PSMA8: variants seen among roughly 807,000 people sequenced by gnomAD.
PSMA8 encodes proteasome subunit alpha-type 8.
A neutral mutation model predicts 32.4 loss-of-function variants in PSMA8; 18 were observed. The observed-to-expected ratio is 0.56, with a 90% CI of 0.38 to 0.82. The LOEUF is 0.82. Among genes scored for constraint, PSMA8 ranks in the 40% least tolerant of loss-of-function variants. The pLI is 0.00. For synonymous variants in PSMA8, 104 were observed against 98.1 expected (o/e 1.06, Z -0.36); for missense variants, 298 against 300.7 (o/e 0.99, Z 0.07).
intron 4 of PSMA8, 28 bp from the exon 5 acceptor site, chr18:26,178,802 A>G (rs1330193408): frequency 4.4e-6 from 7 of 1,597,708 alleles, no homozygotes; most frequent in Non-Finnish European, 6.0e-6. Flanking sequence ...CTGCAATGAT[A>G]TTAATAAATT....
At chr18:26,139,774 G>A (rs1229351072) in intron 1 of PSMA8, among the ~76,000 whole-genome samples, 1 of 152,134 alleles carries the variant, frequency 6.6e-6, no homozygotes, top group Non-Finnish European at 1.5e-5. Flanking sequence ...GGTTGTTGTG[G>A]GCTGAGGGAT....
At chr18:26,169,131 GC>G in intron 4 of PSMA8, among the ~76,000 whole-genome samples, 1 of 131,776 alleles carries the variant, frequency 7.6e-6, no homozygotes. Context: ...ACAGGTGTGC[GC>G]CACAATGCCC....
intron 3 of PSMA8, among the ~76,000 whole-genome samples, chr18:26,156,605 A>C (rs992668769): frequency 1.3e-5 from 2 of 151,040 alleles, no homozygotes; most frequent in African/African-American, 4.9e-5. Context: ...GACACTAAAA[A>C]AGTTGTGTTT....
At chr18:26,185,900 C>A (rs1434674453) in intron 6 of PSMA8, among the ~76,000 whole-genome samples, 1 of 150,334 alleles carries the variant, frequency 6.7e-6, no homozygotes, top group Non-Finnish European at 1.5e-5. Flanking sequence ...ATTGCATTCT[C>A]AATTTTGATA....
intron 3 of PSMA8, among the ~76,000 whole-genome samples, chr18:26,154,851 G>A (rs1026127020): frequency 3.9e-5 from 6 of 152,040 alleles, no homozygotes; most frequent in Non-Finnish European, 5.9e-5. Context: ...TCCTGACCTC[G>A]TGATCTACCC....
At position 26,179,148 on chromosome 18, in the gene PSMA8, G is replaced by C. The variant is rs2055288555; in HGVS notation, c.660+18G>C. ...CTTTGAAGGTAAGTCATTAACCAAAGAGGAAAAAGTATCTGTAGTATAAAG... is the reference window on the plus strand; with the variant it reads ...CTTTGAAGGTAAGTCATTAACCAAACAGGAAAAAGTATCTGTAGTATAAAG... On this transcript the variant is annotated intron_variant, in intron 6 of 6. Coordinates refer to ENST00000415576, the MANE Select transcript of PSMA8 (RefSeq NM_001025096.2). 2 of 1,587,370 alleles carry C rather than the reference G, an allele frequency of 1.3e-6. No homozygotes were observed. Among genetic ancestry groups the C allele is most frequent in the African/African-American group, 2.7e-5 (2 of 74,106 alleles).
chr18:26,146,378 A>G (rs893736813), intron 2 of PSMA8, among the ~76,000 whole-genome samples: 2 of 152,222 alleles, frequency 1.3e-5, no homozygotes, highest in African/African-American at 2.4e-5. Context: ...AAATAAAAAA[A>G]TTAAAACCTC....
chr18:26,144,225 T>A (rs1207961097), intron 1 of PSMA8, among the ~76,000 whole-genome samples: 3 of 152,194 alleles, frequency 2.0e-5, no homozygotes, highest in Non-Finnish European at 2.9e-5. Context: ...TTGCTTATAG[T>A]TGCAATTTTC....
intron 4 of PSMA8, among the ~76,000 whole-genome samples, chr18:26,172,485 C>T (rs2055230379): frequency 6.6e-6 from 1 of 152,132 alleles, no homozygotes; most frequent in African/African-American, 2.4e-5. Flanking sequence ...TTTCTGACCC[C>T]TAGACTATAT....
chr18:26,145,352 G>A (rs182914871), intron 2 of PSMA8, among the ~76,000 whole-genome samples: 19 of 151,990 alleles, frequency 1.3e-4, no homozygotes, highest in Admixed American at 8.5e-4. Context: ...TCCTGACCTC[G>A]GGTGATCCAC....
At chr18:26,183,321 G>A (rs914211110) in intron 6 of PSMA8, among the ~76,000 whole-genome samples, 1 of 150,274 alleles carries the variant, frequency 6.7e-6, no homozygotes, top group Non-Finnish European at 1.5e-5. Flanking sequence ...GAACCTGGGA[G>A]GCAGAGGTTG....
intron 4 of PSMA8, among the ~76,000 whole-genome samples, chr18:26,169,522 C>T (rs1339134720): frequency 7.7e-6 from 1 of 130,006 alleles, no homozygotes; most frequent in Non-Finnish European, 1.5e-5. Flanking sequence ...CCATGTGTGG[C>T]CTTATACTTT....
chr18:26,177,127 C>T (rs984003464), intron 4 of PSMA8, among the ~76,000 whole-genome samples: 2 of 152,238 alleles, frequency 1.3e-5, no homozygotes, highest in Non-Finnish European at 1.5e-5. Context: ...CAAAGCTTAG[C>T]TCTTCTGCTT....
intron 2 of PSMA8, among the ~76,000 whole-genome samples, chr18:26,147,119 C>G (rs1460905822): frequency 6.6e-6 from 1 of 150,816 alleles, no homozygotes; most frequent in Non-Finnish European, 1.5e-5. Flanking sequence ...GAGCCAATCA[C>G]CTTATATCAG....
At chr18:26,154,908 C>A (rs1326274776) in intron 3 of PSMA8, among the ~76,000 whole-genome samples, 1 of 152,114 alleles carries the variant, frequency 6.6e-6, no homozygotes, top group Non-Finnish European at 1.5e-5. Flanking sequence ...AGCCACCACA[C>A]CCAGCCTACT....
intron 6 of PSMA8, among the ~76,000 whole-genome samples, chr18:26,184,998 G>A (rs145925406): frequency 6.9e-6 from 1 of 144,818 alleles, no homozygotes; most frequent in African/African-American, 2.6e-5. Flanking sequence ...TGAGGCAGGA[G>A]AATCGCTTGA....
intron 2 of PSMA8, 73 bp from the exon 3 acceptor site, chr18:26,151,785 C>T: frequency 7.1e-7 from 1 of 1,404,726 alleles, no homozygotes; most frequent in Non-Finnish European, 9.6e-7. Context: ...GAATAAAACC[C>T]ATTTGACAAG....
At chr18:26,158,534 A>G (rs536341886) in intron 4 of PSMA8, among the ~76,000 whole-genome samples, 22 of 152,310 alleles carry the variant, frequency 1.4e-4, no homozygotes, top group African/African-American at 5.3e-4. Context: ...TTAATATTGT[A>G]CTATATAGAC....
At position 26,133,912 on chromosome 18, in the gene PSMA8, T is replaced by C; in HGVS notation, c.-54T>C. On this transcript the variant is annotated 5_prime_UTR_variant, in exon 1 of 7. Coordinates refer to ENST00000415576, the MANE Select transcript of PSMA8 (RefSeq NM_001025096.2). ...GCTGTGTTGGCGGCGGCTCCCCGCTTGCCTCAGCTGCAGCAGCGGGAAGCT... is the reference window on the plus strand; with the variant it reads ...GCTGTGTTGGCGGCGGCTCCCCGCTCGCCTCAGCTGCAGCAGCGGGAAGCT... The C allele has an allele frequency of 6.8e-7, 1 of 1,480,968 alleles. No individual in the cohort carries two copies. Among genetic ancestry groups the C allele is most frequent in the Admixed American group, 1.7e-5 (1 of 59,162 alleles). The allele number at this position is 1,480,968 out of a possible 1,614,324, so 91.7% of individuals were successfully genotyped here.
Sources: allele counts gnomAD v4.1 joint callset (sites outside exome capture counted in the v4.1 genomes callset), GRCh38; gene constraint gnomAD v4.1.1; transcripts MANE v1.5; gene names NCBI Gene and HGNC (gene_info 2026-07-23, HGNC 2026-07-21).